The following RCC1L variants were observed in gnomAD, a reference collection of about 807,000 sequenced individuals.
The protein encoded by RCC1L is RCC1 like.
RCC1L carries 46 observed loss-of-function variants against 58.6 expected under a neutral mutation model. That is an observed-to-expected ratio of 0.79 (90% CI 0.62 to 1.00). RCC1L has a LOEUF of 1.00. RCC1L is among the 50% of genes least tolerant of loss of function. The pLI is 0.00. For synonymous variants in RCC1L, 281 were observed against 262.9 expected (o/e 1.07, Z -0.67); for missense variants, 636 against 623.6 (o/e 1.02, Z -0.21).
intron 1 of RCC1L, among the ~76,000 whole-genome samples, chr7:75,072,679 T>C (rs1806807230): frequency 6.6e-6 from 1 of 152,162 alleles, no homozygotes; most frequent in Non-Finnish European, 1.5e-5. Flanking sequence ...TGGTTTGATT[T>C]TAAAATCAAT....
At position 75,070,707 on chromosome 7, in the gene RCC1L, C is replaced by G. The variant is rs372665821; in HGVS notation, c.387G>C (p.Thr129=). The G allele has an allele frequency of 2.5e-6, 4 of 1,614,010 alleles. No individual in the cohort carries two copies. Among genetic ancestry groups the G allele is most frequent in the Non-Finnish European group, 2.5e-6 (3 of 1,180,022 alleles). Residue 129 remains threonine, a synonymous_variant, in exon 2 of 11, where the codon ACG becomes ACC. Transcript: ENST00000610322. ...TGTTGAGTCCCATCCCCCAGACTTTCGTAACATCCGCAGTCTTAGAGGACA... is the reference window on the plus strand; with the variant it reads ...TGTTGAGTCCCATCCCCCAGACTTTGGTAACATCCGCAGTCTTAGAGGACA... ...TLLSSKTADV[T]KVWGMGLNKD...
At chr7:75,045,933 C>G (rs1218187247) in intron 10 of RCC1L, among the ~76,000 whole-genome samples, 1 of 152,244 alleles carries the variant, frequency 6.6e-6, no homozygotes, top group African/African-American at 2.4e-5. Context: ...GACCACCCTC[C>G]CCTGGTGGCA....
downstream of RCC1L, among the ~76,000 whole-genome samples, chr7:75,040,175 T>C (rs961609545): frequency 2.0e-5 from 3 of 152,148 alleles, no homozygotes; most frequent in African/African-American, 4.8e-5. Flanking sequence ...AGATCATTAC[T>C]GGGGCTGGAC....
intron 2 of RCC1L, among the ~76,000 whole-genome samples, chr7:75,069,527 T>C (rs1263464689): frequency 5.3e-5 from 8 of 150,786 alleles, no homozygotes; most frequent in Non-Finnish European, 7.4e-5. Flanking sequence ...TTCTTACTGT[T>C]CTCACAGTAA....
In RCC1L at chr7:75,042,807, G is replaced by C; in HGVS notation, c.*225C>G. 1 of 1,436,838 alleles carries C rather than the reference G, an allele frequency of 7.0e-7. No individual in the cohort carries two copies. The highest frequency in any genetic ancestry group is 9.2e-7 in the Non-Finnish European group (1 of 1,091,180). The allele number at this position is 1,436,838 out of a possible 1,614,324, so 89.0% of individuals were successfully genotyped here. On this transcript the variant is annotated 3_prime_UTR_variant, in exon 11 of 11. Transcript: ENST00000610322. ...GGGCCACAGCGGCCCACCAAAGGCT[G>C]CCATCCAAGCTGAGTTCCGCAGGCC...
At chr7:75,066,110 T>G (rs1806469854) in intron 3 of RCC1L, among the ~76,000 whole-genome samples, 1 of 151,842 alleles carries the variant, frequency 6.6e-6, no homozygotes, top group Non-Finnish European at 1.5e-5. Flanking sequence ...GCAGTTACAT[T>G]TATAAATACA....
chr7:75,038,516 C>A (rs1805476909), downstream of RCC1L, among the ~76,000 whole-genome samples: 1 of 150,082 alleles, frequency 6.7e-6, no homozygotes, highest in South Asian at 2.1e-4. Context: ...TCACTGCAAC[C>A]TCCGCTTCCC....
chr7:75,070,009 C>T (rs1806660673), intron 2 of RCC1L, among the ~76,000 whole-genome samples: 1 of 152,196 alleles, frequency 6.6e-6, no homozygotes, highest in Non-Finnish European at 1.5e-5. Context: ...GATTTCAATG[C>T]TTTTTCCCTC....
At chr7:75,037,906 A>T (rs1158060427), downstream of RCC1L, among the ~76,000 whole-genome samples, 1 of 152,218 alleles carries the variant, frequency 6.6e-6, no homozygotes, top group African/African-American at 2.4e-5. Flanking sequence ...CACTGTCTCC[A>T]GCTCAGGCTT....
intron 3 of RCC1L, among the ~76,000 whole-genome samples, chr7:75,066,234 G>A (rs587665520): frequency 3.9e-5 from 6 of 151,966 alleles, no homozygotes; most frequent in Non-Finnish European, 7.4e-5. Context: ...GGCGGATCAC[G>A]AGGTCAGGAG....
intron 7 of RCC1L, 190 bp from the exon 8 acceptor site, chr7:75,057,806 C>T (rs1806129280): frequency 1.5e-6 from 1 of 672,490 alleles, no homozygotes; most frequent in African/African-American, 1.8e-5. Context: ...GCCCAGTTTC[C>T]ACCCTCAGAG....
At chr7:75,035,842 A>C (rs1805420908) in intron 10 of RCC1L, among the ~76,000 whole-genome samples, 1 of 151,972 alleles carries the variant, frequency 6.6e-6, no homozygotes, top group South Asian at 2.1e-4. Flanking sequence ...CCATCTCTAC[A>C]AAAAATTTTA....
intron 10 of RCC1L, among the ~76,000 whole-genome samples, chr7:75,049,587 G>A (rs1453606742): frequency 6.6e-6 from 1 of 151,754 alleles, no homozygotes; most frequent in Non-Finnish European, 1.5e-5. Flanking sequence ...CAGGAGGATA[G>A]CTTGAGCCTG....
intron 10 of RCC1L, among the ~76,000 whole-genome samples, chr7:75,033,189 T>C (rs1220468865): frequency 6.6e-6 from 1 of 151,174 alleles, no homozygotes; most frequent in African/African-American, 2.4e-5. Flanking sequence ...GGACCCACTA[T>C]AGCCCCTGCA....
rs1485229216 is a variant in RCC1L at position 75,072,155 on chromosome 7, CATATACATATATATATATATATAT to C, written c.324+1235_324+1258del. Reference sequence around the variant, plus strand: ...TTTTAAATTTATACATATACATATACATATACATATATATATATATATATATATATATATATGGAGAGAGAGAGA... The same window carrying C: ...TTTTAAATTTATACATATACATATACATATATATATATGGAGAGAGAGAGA... On this transcript the variant is annotated intron_variant, in intron 1 of 10. Coordinates refer to ENST00000610322, the MANE Select transcript of RCC1L (RefSeq NM_030798.5). 1.0e-4 allele frequency among the ~76,000 whole-genome samples: 5 copies of C among 48,150 alleles called. 1 individual carries two copies. Among genetic ancestry groups the C allele is most frequent in the Admixed American group, 6.9e-4 (2 of 2,900 alleles). 31.6% of individuals were successfully genotyped at this position (48,150 alleles called of 152,430 possible).
At chr7:75,038,236 G>C (rs989266055), downstream of RCC1L, among the ~76,000 whole-genome samples, 3 of 152,136 alleles carry the variant, frequency 2.0e-5, no homozygotes, top group African/African-American at 7.2e-5. Flanking sequence ...GGATTGCATA[G>C]AGAAGACCCC....
Position 75,073,472 on chromosome 7 carries a change from C to T in RCC1L, c.266G>A (p.Gly89Asp). 1 of 1,380,076 alleles carries T rather than the reference C, an allele frequency of 7.2e-7. No homozygotes were observed. The highest frequency in any genetic ancestry group is 9.3e-7 in the Non-Finnish European group (1 of 1,072,578). The allele number at this position is 1,380,076 out of a possible 1,614,324, so 85.5% of individuals were successfully genotyped here. ...VPSSGPGPRAGARPRRRIQPV... is the reference protein window; with the variant it reads ...VPSSGPGPRADARPRRRIQPV... ...CTGGATCCTGCGGCGCGGTCGGGCG[C>T]CGGCGCGGGGCCCGGGCCCGGAGCT... Residue 89 changes from glycine to aspartate, a missense_variant, in exon 1 of 11, where the codon GGC becomes GAC. By Grantham distance (94) the Gly-to-Asp change is moderately conservative (BLOSUM62 -1). Coordinates refer to ENST00000610322, the MANE Select transcript of RCC1L (RefSeq NM_030798.5).
chr7:75,073,387 A>G (rs1806838917), intron 1 of RCC1L, 27 bp downstream of exon 1: 2 of 1,014,330 alleles, frequency 2.0e-6, no homozygotes, highest in East Asian at 6.5e-5. Context: ...AGAGAGAAGG[A>G]GAGAAGGAGG....
At chr7:75,072,179 T>TATATATATATAC (rs1806780226) in intron 1 of RCC1L, among the ~76,000 whole-genome samples, 1 of 97,232 alleles carries the variant, frequency 1.0e-5, no homozygotes, top group African/African-American at 3.5e-5. Context: ...TATATATATA[T>TATATATATATAC]ATATATATAT....
Sources: allele counts gnomAD v4.1 joint callset (sites outside exome capture counted in the v4.1 genomes callset), GRCh38; gene constraint gnomAD v4.1.1; transcripts MANE v1.5; gene names NCBI Gene and HGNC (gene_info 2026-07-23, HGNC 2026-07-21).